Variants in ERC1 observed in about 807,000 individuals in gnomAD.
ERC1 encodes RAB6 interacting protein 2.
ERC1 carries 56 observed loss-of-function variants against 132.0 expected under a neutral mutation model. The ratio of observed to expected loss-of-function variants is 0.42; its 90% CI spans 0.34 to 0.53. The LOEUF (loss-of-function observed/expected upper bound fraction) is 0.53, where lower values mean the gene tolerates loss of function less well. Ranked by LOEUF, ERC1 falls within the 20% of genes least tolerant of loss-of-function variation. The probability of loss-of-function intolerance (pLI) is 0.03; values close to 1 mark genes in which losing one functional copy is unlikely to be tolerated. For synonymous variants in ERC1, 478 were observed against 476.1 expected (o/e 1.00, Z -0.05); for missense variants, 1,202 against 1,349.9 (o/e 0.89, Z 1.72).
chr12:1,339,236 C>T (rs1223347567), intron 15 of ERC1, among the ~76,000 whole-genome samples: 4 of 144,928 alleles, frequency 2.8e-5, no homozygotes, highest in East Asian at 2.1e-4. Flanking sequence ...CTCAGCTGGA[C>T]GACTGTGACA....
chr12:1,063,563 A>G (rs572152112), intron 2 of ERC1, among the ~76,000 whole-genome samples: 1 of 152,122 alleles, frequency 6.6e-6, no homozygotes, highest in South Asian at 2.1e-4. Context: ...CACCTGGCTT[A>G]TTCCTTCATT....
chr12:1,494,751 T>C lies in ERC1; in HGVS notation c.*4521T>C. On this transcript the variant is annotated 3_prime_UTR_variant, in exon 19 of 19. Transcript: ENST00000360905. ...TGTGTGATTCAGAGAATTGGGGCAG[T>C]TACATTGTGTCTGTTGTTGAGATTA... 4.3e-6 allele frequency: 1 copy of C among 231,138 alleles called. No individual in the cohort carries two copies. Among genetic ancestry groups the C allele is most frequent in the East Asian group, 6.1e-5 (1 of 16,292 alleles). 14.3% of individuals were successfully genotyped at this position (231,138 alleles called of 1,614,324 possible).
chr12:1,386,057 T>G (rs906821300), intron 16 of ERC1: 4 of 92,980 alleles, frequency 4.3e-5, no homozygotes, highest in African/African-American at 2.5e-4. Context: ...TTTTTTTTTT[T>G]GAGACAGAGT....
chr12:1,427,411 G>A (rs557255946), intron 17 of ERC1, among the ~76,000 whole-genome samples: 79 of 152,282 alleles, frequency 5.2e-4, no homozygotes, highest in Middle Eastern at 6.8e-3. Context: ...CCATCACCCC[G>A]ATGCAATCTC....
intron 1 of ERC1, among the ~76,000 whole-genome samples, chr12:1,014,571 T>C (rs1281352294): frequency 1.3e-5 from 2 of 152,298 alleles, no homozygotes; most frequent in East Asian, 3.9e-4. Context: ...ATCTGGTCTT[T>C]CAGAAATAGG....
chr12:1,463,484 A>T (rs59624680), intron 18 of ERC1, among the ~76,000 whole-genome samples: 1 of 152,072 alleles, frequency 6.6e-6, no homozygotes, highest in Non-Finnish European at 1.5e-5. Context: ...AATGTTTCTG[A>T]TCTGGTTTTC....
chr12:1,384,537 A>AT (rs971448802), intron 16 of ERC1, among the ~76,000 whole-genome samples: 2 of 152,006 alleles, frequency 1.3e-5, no homozygotes, highest in Admixed American at 6.6e-5. Context: ...AGCCACCAGC[A>AT]TTTTTTTTAA....
intron 4 of ERC1, 70 bp from the exon 5 acceptor site, chr12:1,110,122 A>T: frequency 7.7e-7 from 1 of 1,290,958 alleles, no homozygotes; most frequent in Non-Finnish European, 1.1e-6. Flanking sequence ...AACTTCTTTA[A>T]ATATCATGTT....
At chr12:1,168,346 A>T (rs1462984632) in intron 8 of ERC1, among the ~76,000 whole-genome samples, 1 of 150,792 alleles carries the variant, frequency 6.6e-6, no homozygotes, top group East Asian at 2.0e-4. Context: ...CTAGTCTCAA[A>T]CTCCTGGGAT....
intron 8 of ERC1, among the ~76,000 whole-genome samples, chr12:1,161,134 T>C (rs999047088): frequency 6.6e-6 from 1 of 152,208 alleles, no homozygotes; most frequent in Non-Finnish European, 1.5e-5. Context: ...CACTATGTGC[T>C]AGGCAAAGAC....
intron 18 of ERC1, among the ~76,000 whole-genome samples, chr12:1,461,928 T>TA (rs1359064232): frequency 2.0e-5 from 3 of 152,152 alleles, no homozygotes; most frequent in Admixed American, 2.0e-4. Context: ...AATACATACA[T>TA]ACACACACAA....
At chr12:1,220,385 T>C (rs1481815216) in intron 12 of ERC1, among the ~76,000 whole-genome samples, 1 of 152,212 alleles carries the variant, frequency 6.6e-6, no homozygotes, top group Non-Finnish European at 1.5e-5. Flanking sequence ...AGTAAATATT[T>C]GCTGAATAGA....
intron 2 of ERC1, among the ~76,000 whole-genome samples, chr12:1,077,858 T>C (rs1177591364): frequency 1.3e-5 from 2 of 152,192 alleles, no homozygotes; most frequent in Non-Finnish European, 2.9e-5. Context: ...TCTAAAGGAG[T>C]TGGCAGGAAT....
At chr12:1,190,369 A>G (rs1397764729) in intron 12 of ERC1, among the ~76,000 whole-genome samples, 1 of 152,138 alleles carries the variant, frequency 6.6e-6, no homozygotes. Context: ...CTACTTTTTA[A>G]TTTCTCTATA....
chr12:1,228,155 T>C (rs1040642001), intron 12 of ERC1, among the ~76,000 whole-genome samples: 1 of 152,206 alleles, frequency 6.6e-6, no homozygotes, highest in Non-Finnish European at 1.5e-5. Context: ...TTTAGGATTC[T>C]TTTTTCTGTT....
At chr12:1,243,428 CGTGAGAGATACTGAGGTGCTA>C (rs2075962536) in intron 13 of ERC1, among the ~76,000 whole-genome samples, 2 of 151,444 alleles carry the variant, frequency 1.3e-5, no homozygotes, top group African/African-American at 2.4e-5. Flanking sequence ...TGTAATGAAA[CGTGAGAGATACTGAGGTGCTA>C]TGTAGGGATG....
chr12:1,185,786 T>C (rs1276077101), intron 11 of ERC1, among the ~76,000 whole-genome samples: 1 of 151,954 alleles, frequency 6.6e-6, no homozygotes, highest in African/African-American at 2.4e-5. Context: ...AAGGCTTCTC[T>C]AAGACCAAAA....
intron 14 of ERC1, among the ~76,000 whole-genome samples, chr12:1,280,721 G>C (rs920988855): frequency 6.6e-6 from 1 of 152,100 alleles, no homozygotes; most frequent in Non-Finnish European, 1.5e-5. Flanking sequence ...CCAGACATGC[G>C]CAAACATACA....
chr12:1,483,599 T>A (rs958012266), intron 18 of ERC1, among the ~76,000 whole-genome samples: 1 of 151,096 alleles, frequency 6.6e-6, no homozygotes, highest in Admixed American at 6.6e-5. Context: ...TTGATGTTGC[T>A]TGTGCTATAA....
Sources: gnomAD v4.1 joint callset for allele counts (sites outside exome capture counted in the v4.1 genomes callset) on GRCh38, gnomAD v4.1.1 for gene constraint, MANE v1.5 for transcripts, NCBI Gene and HGNC (gene_info 2026-07-23, HGNC 2026-07-21) for gene names.